ZNF804B: variants seen among roughly 807,000 people sequenced by gnomAD.
ZNF804B encodes the protein zinc finger protein 804B.
Under a neutral mutation model 101.4 loss-of-function variants are expected in ZNF804B, and 80 were observed. The observed-to-expected ratio is 0.79, with a 90% CI of 0.66 to 0.95. The LOEUF (loss-of-function observed/expected upper bound fraction) is 0.95, where lower values mean the gene tolerates loss of function less well. ZNF804B is among the 40% of genes least tolerant of loss of function. The probability of loss-of-function intolerance (pLI) is 0.00; values close to 1 mark genes in which losing one functional copy is unlikely to be tolerated. For missense variants in ZNF804B, 1,673 were observed against 1,561.9 expected (o/e 1.07, Z -1.20); for synonymous variants, 622 against 558.8 (o/e 1.11, Z -1.59).
intron 1 of ZNF804B, among the ~76,000 whole-genome samples, chr7:88,898,522 G>T (rs929374508): frequency 4.6e-5 from 7 of 151,450 alleles, no homozygotes; most frequent in Non-Finnish European, 1.0e-4. Flanking sequence ...TTGTTCACAT[G>T]TGAAATTCTT....
At chr7:89,219,385 C>G (rs1011489772) in intron 2 of ZNF804B, among the ~76,000 whole-genome samples, 5 of 151,748 alleles carry the variant, frequency 3.3e-5, no homozygotes, top group Non-Finnish European at 5.9e-5. Context: ...ATAAATGAAA[C>G]ATTGAAAACA....
intron 2 of ZNF804B, among the ~76,000 whole-genome samples, chr7:89,249,029 T>TAAAAAAAAAAAAA (rs58553222): frequency 8.4e-6 from 1 of 119,228 alleles, no homozygotes. Context: ...CCAATAACAG[T>TAAAAAAAAAAAAA]AAAAAAAAAA....
chr7:89,312,402 A>G (rs1183882118), intron 2 of ZNF804B, among the ~76,000 whole-genome samples: 2 of 152,182 alleles, frequency 1.3e-5, no homozygotes, highest in Non-Finnish European at 2.9e-5. Flanking sequence ...CACATGTCGA[A>G]CGAATCCTCC....
intron 1 of ZNF804B, among the ~76,000 whole-genome samples, chr7:88,978,498 A>T (rs984162945): frequency 6.6e-6 from 1 of 151,656 alleles, no homozygotes; most frequent in African/African-American, 2.4e-5. Context: ...TTTGTCTTGA[A>T]ATCTATTTTT....
At chr7:88,837,943 A>G (rs1165433408) in intron 1 of ZNF804B, among the ~76,000 whole-genome samples, 1 of 151,794 alleles carries the variant, frequency 6.6e-6, no homozygotes, top group Non-Finnish European at 1.5e-5. Context: ...ATTTAAAAAT[A>G]TAATACATGT....
At chr7:89,279,108 A>G (rs1790037217) in intron 2 of ZNF804B, among the ~76,000 whole-genome samples, 1 of 151,992 alleles carries the variant, frequency 6.6e-6, no homozygotes, top group African/African-American at 2.4e-5. Context: ...ATTCTCTTTG[A>G]AGCAATTGTG....
At chr7:88,985,603 T>C (rs761796550) in intron 1 of ZNF804B, among the ~76,000 whole-genome samples, 1 of 152,088 alleles carries the variant, frequency 6.6e-6, no homozygotes, top group African/African-American at 2.4e-5. Context: ...TACCCTTTTA[T>C]CTTTGGCTTA....
intron 1 of ZNF804B, among the ~76,000 whole-genome samples, chr7:88,952,479 AT>A (rs112838717): frequency 0.1 from 15,519 of 151,728 alleles, 868 homozygotes; most frequent in South Asian, 0.18. Flanking sequence ...GATTTGTGTT[AT>A]TTTTTGTCTT....
chr7:89,138,804 C>G (rs1790674237), intron 1 of ZNF804B, among the ~76,000 whole-genome samples: 1 of 152,070 alleles, frequency 6.6e-6, no homozygotes, highest in African/African-American at 2.4e-5. Flanking sequence ...TTTCTCTGCA[C>G]AAGCTCTCTT....
intron 1 of ZNF804B, among the ~76,000 whole-genome samples, chr7:89,046,811 T>C (rs1321610614): frequency 6.6e-6 from 1 of 152,130 alleles, no homozygotes; most frequent in Non-Finnish European, 1.5e-5. Context: ...TTAGAATCCC[T>C]AGAGAGTGAT....
chr7:89,216,065 A>C (rs1788890223), intron 1 of ZNF804B, among the ~76,000 whole-genome samples: 2 of 152,088 alleles, frequency 1.3e-5, no homozygotes, highest in African/African-American at 4.8e-5. Flanking sequence ...GTGCTTTGGG[A>C]GGCCGCGGCA....
chr7:88,854,530 CCTTCCTT>C (rs1361147839), intron 1 of ZNF804B, among the ~76,000 whole-genome samples: 1 of 54,582 alleles, frequency 1.8e-5, no homozygotes, highest in African/African-American at 7.4e-5. Context: ...TCCTTCCTTT[CCTTCCTT>C]CCTTCCTTCC....
intron 1 of ZNF804B, among the ~76,000 whole-genome samples, chr7:89,066,034 G>T: frequency 6.6e-6 from 1 of 152,146 alleles, no homozygotes; most frequent in Non-Finnish European, 1.5e-5. Context: ...ATATGTTTAA[G>T]TACAATTTGT....
rs758521151 is a variant in ZNF804B at position 88,923,537 on chromosome 7, G to A, written c.108+163453G>A. On this transcript the variant is annotated intron_variant, in intron 1 of 3. Transcript: ENST00000333190. The stretch of plus-strand genomic sequence containing the variant: ...TTCAAAATGGACCATTCATTGAAAT[G>A]TTCACCCTAGTTATATGATGCTGTA... Among the ~76,000 whole-genome samples, 7 of 152,186 alleles carry A rather than the reference G, an allele frequency of 4.6e-5. No individual in the cohort carries two copies. The East Asian group carries it at 1.2e-3, about 25-fold the overall frequency.
intron 1 of ZNF804B, among the ~76,000 whole-genome samples, chr7:88,834,042 A>G (rs376636799): frequency 1.3e-5 from 2 of 151,968 alleles, no homozygotes; most frequent in Admixed American, 6.6e-5. Context: ...ATTTAAATGC[A>G]TTCTAGTGAA....
rs139616848 is a variant in ZNF804B, at chr7:88,899,478, C to T, written c.108+139394C>T. 7.9e-5 allele frequency among the ~76,000 whole-genome samples: 12 copies of T among 152,224 alleles called. 1 individual carries two copies. Among genetic ancestry groups the T allele is most frequent in the African/African-American group, 2.9e-4 (12 of 41,520 alleles). On this transcript the variant is annotated intron_variant, in intron 1 of 3. Coordinates refer to ENST00000333190, the MANE Select transcript of ZNF804B (RefSeq NM_181646.5). ...TGTATCACCCAGCTCTGATCTCTTT[C>T]TTCACTGTCATATTCTTCATTCAAG...
Position 89,018,379 on chromosome 7 carries a change from G to C in ZNF804B, c.109-199776G>C, listed in dbSNP as rs551081082. ...AGTAAATCTCACTAGATCATGGTTT[G>C]TGATCTCTTTGACATGTTTTTGAAT... On this transcript the variant is annotated intron_variant, in intron 1 of 3. Transcript: ENST00000333190. Among the ~76,000 whole-genome samples, 4 of 152,046 alleles carry C rather than the reference G, an allele frequency of 2.6e-5. No individual in the cohort carries two copies. In the South Asian group the frequency reaches 8.3e-4, roughly 32 times the overall value.
At chr7:88,866,272 G>T (rs1476522430) in intron 1 of ZNF804B, among the ~76,000 whole-genome samples, 1 of 152,138 alleles carries the variant, frequency 6.6e-6, no homozygotes, top group Non-Finnish European at 1.5e-5. Flanking sequence ...TCTTCAAGAT[G>T]GCCATGATCA....
chr7:89,173,757 C>T (rs140730207), intron 1 of ZNF804B, among the ~76,000 whole-genome samples: 6 of 96,184 alleles, frequency 6.2e-5, no homozygotes, highest in African/African-American at 2.0e-4. Context: ...TCCATCCATC[C>T]ATCCATCCAT....
Sources: gnomAD v4.1 joint callset for allele counts (sites outside exome capture counted in the v4.1 genomes callset) on GRCh38, gnomAD v4.1.1 for gene constraint, MANE v1.5 for transcripts, NCBI Gene and HGNC (gene_info 2026-07-23, HGNC 2026-07-21) for gene names.